The following ABCC1 variants were observed in gnomAD, a reference collection of about 807,000 sequenced individuals.
The protein encoded by ABCC1 is multidrug resistance-associated protein 1.
Under a neutral mutation model 172.9 loss-of-function variants are expected in ABCC1, and 83 were observed. That is an observed-to-expected ratio of 0.48 (90% CI 0.40 to 0.58). The LOEUF (loss-of-function observed/expected upper bound fraction) is 0.58. Among genes scored for constraint, ABCC1 ranks in the 20% least tolerant of loss-of-function variants. ABCC1 has a pLI of 0.00. For missense variants in ABCC1, 1,817 were observed against 2,002.7 expected (o/e 0.91, Z 1.77); for synonymous variants, 937 against 825.2 (o/e 1.14, Z -2.32).
intron 1 of ABCC1, among the ~76,000 whole-genome samples, chr16:15,967,226 A>G (rs532511313): frequency 3.9e-5 from 6 of 152,188 alleles, no homozygotes; most frequent in African/African-American, 1.4e-4. Flanking sequence ...CTCCAGAGAA[A>G]GCCAGGGAGG....
chr16:16,032,616 T>C (rs1325772887), intron 5 of ABCC1, among the ~76,000 whole-genome samples: 1 of 152,194 alleles, frequency 6.6e-6, no homozygotes, highest in East Asian at 1.9e-4. Context: ...TATAAGCTCT[T>C]GGTAGAGTGT....
chr16:16,070,123 T>C (rs2151955174), intron 13 of ABCC1, among the ~76,000 whole-genome samples: 1 of 152,328 alleles, frequency 6.6e-6, no homozygotes, highest in East Asian at 1.9e-4. Context: ...GGCTCACGCC[T>C]GTAATCCCAG....
At chr16:15,997,125 TC>T (rs1478512885) in intron 1 of ABCC1, among the ~76,000 whole-genome samples, 3 of 145,728 alleles carry the variant, frequency 2.1e-5, no homozygotes, top group Non-Finnish European at 3.0e-5. Context: ...GGAGTCTCGC[TC>T]TATCGCCCAG....
At chr16:16,106,066 G>A (rs760546836) in intron 20 of ABCC1, among the ~76,000 whole-genome samples, 2 of 151,760 alleles carry the variant, frequency 1.3e-5, no homozygotes, top group Non-Finnish European at 2.9e-5. Flanking sequence ...TAGTAGAGAC[G>A]GGGTTTCACC....
chr16:15,990,864 C>T (rs995645217), intron 1 of ABCC1, among the ~76,000 whole-genome samples: 2 of 148,152 alleles, frequency 1.3e-5, no homozygotes, highest in Admixed American at 6.8e-5. Context: ...GGGGTTTCAC[C>T]GTGTTAGCCA....
chr16:16,070,660 A>G (rs956736721), intron 13 of ABCC1, among the ~76,000 whole-genome samples: 11 of 152,152 alleles, frequency 7.2e-5, no homozygotes, highest in East Asian at 1.9e-4. Flanking sequence ...GCGAGACTCC[A>G]TCTCAAAAAC....
chr16:16,129,637 T>A (rs1253321817), intron 26 of ABCC1, among the ~76,000 whole-genome samples: 2 of 150,974 alleles, frequency 1.3e-5, no homozygotes, highest in African/African-American at 4.9e-5. Flanking sequence ...TCCCAGATTC[T>A]AGTGATCGTC....
chr16:16,002,632 C>T (rs2047354606), intron 1 of ABCC1, among the ~76,000 whole-genome samples: 1 of 152,022 alleles, frequency 6.6e-6, no homozygotes, highest in Non-Finnish European at 1.5e-5. Context: ...ATTAGCTGGG[C>T]ATGGTGGTGT....
intron 7 of ABCC1, among the ~76,000 whole-genome samples, chr16:16,038,740 AT>A (rs1414717238): frequency 1.3e-5 from 2 of 152,150 alleles, no homozygotes; most frequent in African/African-American, 4.8e-5. Context: ...CACCTGCAGC[AT>A]CCCCCCCGCT....
chr16:16,044,312 G>A (rs1297087657), intron 7 of ABCC1, 138 bp from the exon 8 acceptor site: 3 of 762,598 alleles, frequency 3.9e-6, no homozygotes, highest in Non-Finnish European at 6.5e-6. Flanking sequence ...TAACCACTGT[G>A]CTGAGCTGCC....
Position 16,138,520 on chromosome 16 carries a change from C to T in ABCC1, c.4449C>T (p.Thr1483=). The T allele has an allele frequency of 3.2e-6, 5 of 1,575,150 alleles. No individual in the cohort carries two copies. The highest frequency in any genetic ancestry group is 4.3e-6 in the Non-Finnish European group (5 of 1,156,422). Reference sequence around the variant, plus strand: ...AGTTCGAGGACTGCACCGTCCTCACCATCGCCCACCGGCTCAACACCATCA... The same window carrying T: ...AGTTCGAGGACTGCACCGTCCTCACTATCGCCCACCGGCTCAACACCATCA... The part of the protein sequence containing the change: ...RTQFEDCTVL[T]IAHRLNTIMD... Residue 1483 remains threonine, a synonymous_variant, in exon 30 of 31, where the codon ACC becomes ACT. Coordinates refer to ENST00000399410, the MANE Select transcript of ABCC1 (RefSeq NM_004996.4).
At chr16:16,080,649 G>T (rs4148354) in intron 16 of ABCC1, among the ~76,000 whole-genome samples, 1 of 151,978 alleles carries the variant, frequency 6.6e-6, no homozygotes, top group Admixed American at 6.6e-5. Flanking sequence ...TCAAAGAAGC[G>T]TGGGAAATAA....
intron 1 of ABCC1, among the ~76,000 whole-genome samples, chr16:15,986,082 A>C (rs2046737417): frequency 6.6e-6 from 1 of 151,272 alleles, no homozygotes; most frequent in Non-Finnish European, 1.5e-5. Context: ...TTACAGGTGC[A>C]TGTCACCATG....
chr16:15,968,652 C>T lies in ABCC1; in HGVS notation c.48+18853C>T, dbSNP rs866213622. Among the ~76,000 whole-genome samples, 3 of 152,262 alleles carry T rather than the reference C, an allele frequency of 2.0e-5. 1 individual carries two copies. The highest frequency in any genetic ancestry group is 6.8e-3 in the Middle Eastern group (2 of 294). ...GCAGCCTCCCAAAGTGCTGGGATTACAGGTCTAAGCCACCGTGCCCAGCCA... is the reference window on the plus strand; with the variant it reads ...GCAGCCTCCCAAAGTGCTGGGATTATAGGTCTAAGCCACCGTGCCCAGCCA... On this transcript the variant is annotated intron_variant, in intron 1 of 30. Coordinates refer to ENST00000399410, the MANE Select transcript of ABCC1 (RefSeq NM_004996.4).
intron 14 of ABCC1, among the ~76,000 whole-genome samples, chr16:16,075,009 C>T (rs1377790803): frequency 2.0e-5 from 3 of 148,698 alleles, no homozygotes; most frequent in Admixed American, 6.8e-5. Flanking sequence ...TGCAATGGCA[C>T]GATCTTGGCT....
At chr16:16,133,480 T>G (rs1411802705) in intron 27 of ABCC1, among the ~76,000 whole-genome samples, 1 of 152,112 alleles carries the variant, frequency 6.6e-6, no homozygotes, top group African/African-American at 2.4e-5. Flanking sequence ...TTCGGCTCAC[T>G]GCAACCTCCG....
At chr16:16,069,205 TAA>T (rs1567369117) in intron 13 of ABCC1, among the ~76,000 whole-genome samples, 2,765 of 136,712 alleles carry the variant, frequency 0.02, 102 homozygotes, top group African/African-American at 0.071. Context: ...AATAAATAAA[TAA>T]ATAAATATGT....
chr16:16,076,881 C>T (rs1478876149), intron 15 of ABCC1, among the ~76,000 whole-genome samples: 2 of 152,162 alleles, frequency 1.3e-5, no homozygotes, highest in African/African-American at 2.4e-5. Context: ...CTTATTGACC[C>T]AGATTGGGTC....
At chr16:15,957,715 C>T (rs1308915179) in intron 1 of ABCC1, among the ~76,000 whole-genome samples, 2 of 152,190 alleles carry the variant, frequency 1.3e-5, no homozygotes, top group African/African-American at 4.8e-5. Flanking sequence ...GCCTCAGCCT[C>T]CCCAGTAGCT....
Sources: allele counts gnomAD v4.1 joint callset (sites outside exome capture counted in the v4.1 genomes callset), GRCh38; gene constraint gnomAD v4.1.1; transcripts MANE v1.5; gene names NCBI Gene and HGNC (gene_info 2026-07-23, HGNC 2026-07-21).